Variants in ZNF385D observed in about 807,000 individuals in gnomAD.
ZNF385D encodes zinc finger protein 385D, also known as zinc finger protein 659.
In ZNF385D, 15 loss-of-function variants were observed where a neutral mutation model predicts 35.8. That is an observed-to-expected ratio of 0.42 (90% CI 0.28 to 0.64). The LOEUF (loss-of-function observed/expected upper bound fraction) is 0.64. ZNF385D is among the 30% of genes least tolerant of loss of function. The pLI is 0.23. For synonymous variants in ZNF385D, 212 were observed against 186.8 expected, an observed-to-expected ratio of 1.13 and a Z score of -1.10; for missense variants, 474 against 494.6, an observed-to-expected ratio of 0.96 and a Z score of 0.39.
rs1459134518 is a variant in ZNF385D at position 21,727,548 on chromosome 3, G to A, written c.22+23347C>T. On this transcript the variant is annotated intron_variant, in intron 1 of 7. Coordinates refer to ENST00000281523, the MANE Select transcript of ZNF385D (RefSeq NM_024697.3). ...CTTCTCAAAAGGAGACATTTATGCA[G>A]CCAAGAAACATATGAAAAAATGCTC... is the stretch of plus-strand genomic sequence containing the variant. Among the ~76,000 whole-genome samples the A allele has an allele frequency of 5.9e-5, 9 of 152,280 alleles. No individual in the cohort carries two copies. In the East Asian group the frequency reaches 1.7e-3, roughly 29 times the overall value.
At chr3:22,049,297 A>AAAAATAAAATAAAATAAAATAAAAT (rs148136551) in intron 3 of ZNF385D, among the ~76,000 whole-genome samples, 22,273 of 141,070 alleles carry the variant, frequency 0.16, 2,234 homozygotes, top group Middle Eastern at 0.28. Context: ...ACTCAATCTC[A>AAAAATAAAATAAAATAAAATAAAAT]AAAATAAAAT....
chr3:21,763,446 AT>A (rs1469033171), intron 3 of ZNF385D, among the ~76,000 whole-genome samples: 1 of 152,202 alleles, frequency 6.6e-6, no homozygotes, highest in Admixed American at 6.5e-5. Flanking sequence ...ACCCTAATTA[AT>A]TTGAGGATGA....
intron 1 of ZNF385D, among the ~76,000 whole-genome samples, chr3:21,698,693 A>C (rs1338478486): frequency 6.6e-6 from 1 of 151,962 alleles, no homozygotes; most frequent in Non-Finnish European, 1.5e-5. Flanking sequence ...ATGAACTGAC[A>C]CTTCTCAAAA....
chr3:21,554,912 A>T (rs7648849), intron 3 of ZNF385D, among the ~76,000 whole-genome samples: 78,580 of 152,110 alleles, frequency 0.52, 21,028 homozygotes, highest in African/African-American at 0.68. Flanking sequence ...CTCTGATTTA[A>T]GGAAATGGTA....
chr3:22,089,667 G>T (rs896178444), intron 3 of ZNF385D, among the ~76,000 whole-genome samples: 1 of 152,084 alleles, frequency 6.6e-6, no homozygotes, highest in Non-Finnish European at 1.5e-5. Flanking sequence ...CTGAGTAAGG[G>T]GGGGATTTCC....
intron 3 of ZNF385D, among the ~76,000 whole-genome samples, chr3:22,083,040 A>T (rs943084893): frequency 6.6e-6 from 1 of 152,204 alleles, no homozygotes; most frequent in African/African-American, 2.4e-5. Context: ...CAACATCAAC[A>T]AAAAGGACAT....
At chr3:21,932,439 C>T (rs1315036871) in intron 3 of ZNF385D, among the ~76,000 whole-genome samples, 1 of 151,722 alleles carries the variant, frequency 6.6e-6, no homozygotes, top group East Asian at 2.0e-4. Flanking sequence ...AAGTGATGCT[C>T]AACATTGCCT....
At chr3:21,827,285 T>C (rs1418728627) in intron 3 of ZNF385D, among the ~76,000 whole-genome samples, 1 of 152,204 alleles carries the variant, frequency 6.6e-6, no homozygotes. Context: ...ATTGTTTATT[T>C]TATATTAATG....
intron 3 of ZNF385D, among the ~76,000 whole-genome samples, chr3:21,779,011 A>G (rs2071396080): frequency 6.6e-6 from 1 of 151,996 alleles, no homozygotes; most frequent in African/African-American, 2.4e-5. Context: ...AAAAGGAGAT[A>G]TTCTTCCAAG....
intron 1 of ZNF385D, among the ~76,000 whole-genome samples, chr3:21,707,749 T>A (rs1445593963): frequency 6.6e-6 from 1 of 152,240 alleles, no homozygotes; most frequent in Non-Finnish European, 1.5e-5. Context: ...GTTTCTTTAA[T>A]GCTCTTGGTT....
chr3:21,530,760 A>G (rs1321462800), intron 3 of ZNF385D, among the ~76,000 whole-genome samples: 7 of 152,162 alleles, frequency 4.6e-5, no homozygotes, highest in Non-Finnish European at 8.8e-5. Flanking sequence ...TCACTGCTCT[A>G]TGTCCATCTA....
chr3:22,346,554 T>C (rs1379858326), intron 2 of ZNF385D, among the ~76,000 whole-genome samples: 1 of 152,212 alleles, frequency 6.6e-6, no homozygotes, highest in African/African-American at 2.4e-5. Flanking sequence ...AACTAAAGTT[T>C]AATGGGTGTA....
At chr3:22,129,668 C>T (rs1189327426) in intron 3 of ZNF385D, among the ~76,000 whole-genome samples, 1 of 151,814 alleles carries the variant, frequency 6.6e-6, no homozygotes, top group Non-Finnish European at 1.5e-5. Flanking sequence ...GACCCAAGGG[C>T]TCTTTAGTCA....
intron 3 of ZNF385D, among the ~76,000 whole-genome samples, chr3:22,026,120 G>A (rs1019156168): frequency 1.3e-5 from 2 of 152,104 alleles, no homozygotes; most frequent in African/African-American, 4.8e-5. Flanking sequence ...GAAATTGTTA[G>A]AAGTGAAATT....
chr3:21,935,486 A>T (rs1305874323), intron 3 of ZNF385D, among the ~76,000 whole-genome samples: 1 of 152,142 alleles, frequency 6.6e-6, no homozygotes, highest in African/African-American at 2.4e-5. Context: ...TTGAACCTAG[A>T]TAGTTAAGTC....
At chr3:21,728,003 G>A (rs920918636) in intron 1 of ZNF385D, among the ~76,000 whole-genome samples, 2 of 152,024 alleles carry the variant, frequency 1.3e-5, no homozygotes, top group Non-Finnish European at 2.9e-5. Context: ...GGATGAAGCT[G>A]GAAACCATCA....
chr3:21,426,540 A>G (rs1251025904), intron 5 of ZNF385D, among the ~76,000 whole-genome samples: 1 of 151,956 alleles, frequency 6.6e-6, no homozygotes, highest in African/African-American at 2.4e-5. Flanking sequence ...TTTAGAGTTG[A>G]TAAGTATTCT....
intron 2 of ZNF385D, among the ~76,000 whole-genome samples, chr3:21,608,017 T>C (rs1006261099): frequency 3.1e-5 from 4 of 128,896 alleles, no homozygotes; most frequent in Non-Finnish European, 5.0e-5. Context: ...TTCTTCTTTT[T>C]TTTTTGTTTT....
intron 1 of ZNF385D, among the ~76,000 whole-genome samples, chr3:21,714,310 A>T (rs574144153): frequency 3.3e-5 from 5 of 152,194 alleles, no homozygotes; most frequent in Admixed American, 3.3e-4. Context: ...AAGTTATTTC[A>T]TAAGTCTTTT....
Sources: allele counts gnomAD v4.1 joint callset (sites outside exome capture counted in the v4.1 genomes callset), GRCh38; gene constraint gnomAD v4.1.1; transcripts MANE v1.5; gene names NCBI Gene and HGNC (gene_info 2026-07-23, HGNC 2026-07-21).